The following ANK3 variants were observed in gnomAD, a reference collection of about 807,000 sequenced individuals.
ANK3 encodes ankyrin 3.
ANK3 carries 57 observed loss-of-function variants against 370.9 expected under a neutral mutation model. The observed-to-expected ratio is 0.15, with a 90% CI of 0.12 to 0.19. The LOEUF (loss-of-function observed/expected upper bound fraction) is 0.19. Among genes scored for constraint, ANK3 ranks in the 10% least tolerant of loss-of-function variants. The pLI is 1.00. For synonymous variants in ANK3, 1,929 were observed against 1,946.3 expected (o/e 0.99, Z 0.23); for missense variants, 4,439 against 5,302.1 (o/e 0.84, Z 5.06).
At chr10:60,633,044 T>C (rs1225272149) in intron 1 of ANK3, among the ~76,000 whole-genome samples, 1 of 152,236 alleles carries the variant, frequency 6.6e-6, no homozygotes, top group Non-Finnish European at 1.5e-5. Flanking sequence ...ATAGAGATTC[T>C]ATACTTAGCT....
chr10:60,508,831 G>A (rs1322666537), intron 2 of ANK3, among the ~76,000 whole-genome samples: 1 of 152,134 alleles, frequency 6.6e-6, no homozygotes, highest in Non-Finnish European at 1.5e-5. Flanking sequence ...ACAGATACAA[G>A]TTAATTAGAT....
chr10:60,564,227 G>A (rs1180940523), intron 2 of ANK3, among the ~76,000 whole-genome samples: 1 of 152,158 alleles, frequency 6.6e-6, no homozygotes, highest in Non-Finnish European at 1.5e-5. Flanking sequence ...TTATAGCTAT[G>A]TAAGACTAAG....
At chr10:60,601,122 G>C (rs2078055365) in intron 2 of ANK3, among the ~76,000 whole-genome samples, 1 of 151,446 alleles carries the variant, frequency 6.6e-6, no homozygotes, top group African/African-American at 2.4e-5. Context: ...ACTTTCACAT[G>C]TCTTGCAAAG....
At chr10:60,707,335 T>C (rs1014640681) in intron 1 of ANK3, among the ~76,000 whole-genome samples, 2 of 152,172 alleles carry the variant, frequency 1.3e-5, no homozygotes, top group African/African-American at 4.8e-5. Flanking sequence ...AAGCCCCATT[T>C]GTCACATTTC....
chr10:60,729,226 T>C (rs2079986295), intron 1 of ANK3, among the ~76,000 whole-genome samples: 1 of 152,216 alleles, frequency 6.6e-6, no homozygotes, highest in Admixed American at 6.5e-5. Context: ...TGAGCAACAC[T>C]GCAGTCACAT....
At chr10:60,355,910 C>T (rs1351338700) in intron 1 of ANK3, among the ~76,000 whole-genome samples, 1 of 152,100 alleles carries the variant, frequency 6.6e-6, no homozygotes, top group Non-Finnish European at 1.5e-5. Context: ...TCTTGCCCTG[C>T]CAAAAAGGAC....
At chr10:60,470,162 G>T (rs1329354964) in intron 2 of ANK3, among the ~76,000 whole-genome samples, 2 of 152,062 alleles carry the variant, frequency 1.3e-5, no homozygotes, top group African/African-American at 4.8e-5. Flanking sequence ...CACAGAAATG[G>T]TGGGATATGA....
chr10:60,657,402 T>C (rs2078879405), intron 1 of ANK3, among the ~76,000 whole-genome samples: 1 of 152,188 alleles, frequency 6.6e-6, no homozygotes, highest in Non-Finnish European at 1.5e-5. Flanking sequence ...CTAAGATCTC[T>C]GCCTCCCTAG....
intron 2 of ANK3, among the ~76,000 whole-genome samples, chr10:60,459,697 T>C (rs1158129118): frequency 6.6e-6 from 1 of 152,152 alleles, no homozygotes; most frequent in Admixed American, 6.6e-5. Context: ...GCAAGTAAAA[T>C]GCAGCTTCTT....
chr10:60,049,208 A>T (rs1459496464), intron 42 of ANK3, among the ~76,000 whole-genome samples: 1 of 152,196 alleles, frequency 6.6e-6, no homozygotes, highest in African/African-American at 2.4e-5. Context: ...TTTGTGAATG[A>T]TCCTATTGTT....
chr10:60,544,708 T>C (rs1000348022), intron 2 of ANK3, among the ~76,000 whole-genome samples: 1 of 152,150 alleles, frequency 6.6e-6, no homozygotes, highest in Non-Finnish European at 1.5e-5. Context: ...GTTCTAGCCA[T>C]ATTCTCTCAT....
chr10:60,128,327 G>T (rs778273282), intron 25 of ANK3, among the ~76,000 whole-genome samples: 1 of 152,034 alleles, frequency 6.6e-6, no homozygotes, highest in Middle Eastern at 3.4e-3. Flanking sequence ...CTTACAAGCT[G>T]TGTCCCCGGG....
intron 1 of ANK3, among the ~76,000 whole-genome samples, chr10:60,713,782 C>T (rs1220344309): frequency 6.6e-6 from 1 of 151,766 alleles, no homozygotes. Context: ...CCCAGCTACT[C>T]GGGAGGCTGA....
At chr10:60,127,105 T>C (rs1373806586) in intron 25 of ANK3, among the ~76,000 whole-genome samples, 2 of 152,256 alleles carry the variant, frequency 1.3e-5, no homozygotes, top group Non-Finnish European at 2.9e-5. Flanking sequence ...CCAGCAGCTT[T>C]GGACGTATGT....
At chr10:60,684,362 C>G (rs1589023453) in intron 1 of ANK3, 1 of 470,656 alleles carries the variant, frequency 2.1e-6, no homozygotes, top group African/African-American at 2.0e-5. Flanking sequence ...TATCAGCACA[C>G]CTCCCCAGCG....
At chr10:60,479,983 C>T (rs1441282302) in intron 2 of ANK3, among the ~76,000 whole-genome samples, 3 of 152,148 alleles carry the variant, frequency 2.0e-5, no homozygotes, top group Non-Finnish European at 4.4e-5. Context: ...CTATTCAGTA[C>T]ATTTGGAGGT....
chr10:60,251,352 C>T (rs927250156), intron 7 of ANK3, among the ~76,000 whole-genome samples: 6 of 152,178 alleles, frequency 3.9e-5, no homozygotes, highest in Admixed American at 6.5e-5. Flanking sequence ...GCCCTTCCTT[C>T]CCATCCTGGG....
chr10:60,515,315 G>A (rs968806120), intron 2 of ANK3, among the ~76,000 whole-genome samples: 1 of 152,096 alleles, frequency 6.6e-6, no homozygotes, highest in Non-Finnish European at 1.5e-5. Context: ...CTCCCCAGTG[G>A]TTCTAGCCCC....
intron 1 of ANK3, among the ~76,000 whole-genome samples, chr10:60,345,115 C>A (rs757797862): frequency 6.6e-5 from 10 of 152,136 alleles, no homozygotes; most frequent in Non-Finnish European, 1.5e-4. Context: ...ACTAAGGATG[C>A]TGTACATGTA....
Sources: gnomAD v4.1 joint callset for allele counts (sites outside exome capture counted in the v4.1 genomes callset) on GRCh38, gnomAD v4.1.1 for gene constraint, MANE v1.5 for transcripts, NCBI Gene and HGNC (gene_info 2026-07-23, HGNC 2026-07-21) for gene names.